FREM1: variants seen among roughly 807,000 people sequenced by gnomAD.
FREM1 encodes the protein FRAS1 related extracellular matrix 1.
A neutral mutation model predicts 210.1 loss-of-function variants in FREM1; 220 were observed. That is an observed-to-expected ratio of 1.05 (90% CI 0.94 to 1.17). The LOEUF (loss-of-function observed/expected upper bound fraction) is 1.17, where lower values mean the gene tolerates loss of function less well. Among genes scored for constraint, FREM1 ranks in the 50% most tolerant of loss-of-function variants. FREM1 has a pLI of 0.00. For missense variants in FREM1, 3,454 were observed against 2,675.5 expected (o/e 1.29, Z -6.42); for synonymous variants, 1,189 against 980.2 (o/e 1.21, Z -3.98).
rs1224848063 is a variant in FREM1 at position 14,860,988 on chromosome 9, TATAC to T, written c.330-1508_330-1505del. 2.3e-5 allele frequency among the ~76,000 whole-genome samples: 3 copies of T among 128,330 alleles called. 1 individual carries two copies. The highest frequency in any genetic ancestry group is 4.6e-5 in the Non-Finnish European group (3 of 64,950). 84.2% of individuals were successfully genotyped at this position (128,330 alleles called of 152,430 possible). A position where few individuals can be genotyped will look rare whatever the true frequency, so the allele number is the denominator to read the frequency against. On this transcript the variant is annotated intron_variant, in intron 3 of 36. Coordinates refer to ENST00000380880, the MANE Select transcript of FREM1 (RefSeq NM_001379081.2). Reference sequence around the variant, plus strand: ...ACACATATATACATATATACACATATATACATATATATACACATATATACATATA... The same window carrying T: ...ACACATATATACATATATACACATATATATATATACACATATATACATATA...
At position 14,857,563 on chromosome 9, in the gene FREM1, A is replaced by G. The variant is rs772601999; in HGVS notation, c.818T>C (p.Ile273Thr). ...QLDLTDTRSK[I>T]VYKSESAWLP... is the part of the protein sequence containing the mutation. ...AACCCCAAACTCTACCTTGTACACA[A>G]TTTTGCTCCTGGTATCTGTGAGGTC... Residue 273 changes from isoleucine (I) to threonine (T), a missense_variant, in exon 5 of 37, where the codon ATT becomes ACT. Transcript: ENST00000380880. 7.1e-5 allele frequency: 115 copies of G among 1,613,038 alleles called. 1 individual carries two copies. In the South Asian group the frequency reaches 7.2e-4, roughly 10 times the overall value.
chr9:14,879,584 C>G (rs554746386), intron 1 of FREM1, among the ~76,000 whole-genome samples: 1 of 152,202 alleles, frequency 6.6e-6, no homozygotes, highest in South Asian at 2.1e-4. Flanking sequence ...AAGTAAATGT[C>G]AAGAAGGGGA....
chr9:14,842,295 T>C (rs769157997), intron 9 of FREM1, 21 bp downstream of exon 9: 1 of 1,432,412 alleles, frequency 7.0e-7, no homozygotes, highest in Non-Finnish European at 9.5e-7. Flanking sequence ...ATTCAAATGA[T>C]CTTAACTGCC....
At chr9:14,767,402 G>C (rs1846634077) in intron 27 of FREM1, among the ~76,000 whole-genome samples, 3 of 152,126 alleles carry the variant, frequency 2.0e-5, no homozygotes, top group Non-Finnish European at 4.4e-5. Flanking sequence ...TGGGCAAGAA[G>C]TTCTTCAGTG....
chr9:14,800,104 C>CA (rs1435871220), intron 20 of FREM1, among the ~76,000 whole-genome samples: 1 of 151,626 alleles, frequency 6.6e-6, no homozygotes, highest in Non-Finnish European at 1.5e-5. Flanking sequence ...GCAACAATTA[C>CA]AAAAAAACCT....
At chr9:14,738,762 C>T (rs1023288586) in intron 36 of FREM1, among the ~76,000 whole-genome samples, 4 of 152,060 alleles carry the variant, frequency 2.6e-5, no homozygotes, top group Non-Finnish European at 5.9e-5. Flanking sequence ...GCAATTCCAG[C>T]ATTTTGGGAG....
chr9:14,908,621 C>T (rs1163447744), intron 1 of FREM1, among the ~76,000 whole-genome samples: 2 of 152,134 alleles, frequency 1.3e-5, no homozygotes, highest in Admixed American at 6.5e-5. Flanking sequence ...GCATGCAAAA[C>T]CATGTTGCAC....
At position 14,873,066 on chromosome 9, in the gene FREM1, T is replaced by C. The variant is rs949683470; in HGVS notation, c.-267-3822A>G. 2.0e-3 allele frequency among the ~76,000 whole-genome samples: 309 copies of C among 152,284 alleles called. 3 individuals carry two copies. Among genetic ancestry groups the C allele is most frequent in the African/African-American group, 6.9e-3 (286 of 41,558 alleles). Reference sequence around the variant, plus strand: ...CTTTTTGATGTGCTGCTGGATTCGGTTTGCCAGTATCTTATTGAGGATTTT... The same window carrying C: ...CTTTTTGATGTGCTGCTGGATTCGGCTTGCCAGTATCTTATTGAGGATTTT... On this transcript the variant is annotated intron_variant, in intron 1 of 36. Coordinates refer to ENST00000380880, the MANE Select transcript of FREM1 (RefSeq NM_001379081.2).
Position 14,860,930 on chromosome 9 carries a change from C to T in FREM1, c.330-1446G>A, listed in dbSNP as rs1225142112. 1.5e-4 allele frequency among the ~76,000 whole-genome samples: 15 copies of T among 97,258 alleles called. 3 individuals are homozygous for T. Among genetic ancestry groups the T allele is most frequent in the African/African-American group, 2.0e-4 (3 of 15,130 alleles). The allele number at this position is 97,258 out of a possible 152,430, so 63.8% of individuals were successfully genotyped here. ...ATATACACATATACACATATATACA[C>T]ATATACACACATATACACATATACA... On this transcript the variant is annotated intron_variant, in intron 3 of 36. Transcript: ENST00000380880.
chr9:14,851,359 G>C lies in FREM1; in HGVS notation c.1077C>G (p.Thr359=), dbSNP rs1379706453. Residue 359 remains threonine (T), a synonymous_variant, in exon 6 of 37, where the codon ACC becomes ACG. Transcript: ENST00000380880. Reference sequence around the variant, plus strand: ...TCTGCATGTCACTGAGATCTTTCCAGGTGAATGAGGAGATTGGTCTGGTGT... The same window carrying C: ...TCTGCATGTCACTGAGATCTTTCCACGTGAATGAGGAGATTGGTCTGGTGT... The part of the protein sequence containing the change: ...LDHTRPISSF[T]WKDLSDMQIA... The C allele has an allele frequency of 5.0e-6, 8 of 1,613,440 alleles. No individual in the cohort carries two copies. Among genetic ancestry groups the C allele is most frequent in the African/African-American group, 1.3e-5 (1 of 74,912 alleles).
At chr9:14,786,110 C>A (rs1850388214) in intron 23 of FREM1, among the ~76,000 whole-genome samples, 1 of 152,184 alleles carries the variant, frequency 6.6e-6, no homozygotes, top group South Asian at 2.1e-4. Context: ...AAGACCCTTA[C>A]ACCTTCACAC....
chr9:14,898,310 A>G (rs1838118792), intron 1 of FREM1, among the ~76,000 whole-genome samples: 2 of 152,248 alleles, frequency 1.3e-5, no homozygotes, highest in South Asian at 4.1e-4. Context: ...CAGCACACAC[A>G]TAGAGCAAGG....
intron 3 of FREM1, among the ~76,000 whole-genome samples, chr9:14,860,594 C>CACATATATATATACACATATATAT (rs1480365766): frequency 1.2e-5 from 1 of 84,202 alleles, no homozygotes; most frequent in Non-Finnish European, 2.2e-5. Context: ...CATATATATA[C>CACATATATATATACACATATATAT]ATATATACAC....
chr9:14,893,039 G>A (rs1837127538), intron 1 of FREM1, among the ~76,000 whole-genome samples: 1 of 152,160 alleles, frequency 6.6e-6, no homozygotes. Context: ...TTTTACTCTG[G>A]CCTTCCTTCG....
chr9:14,794,420 G>A (rs1184754059), intron 21 of FREM1, among the ~76,000 whole-genome samples: 2 of 152,176 alleles, frequency 1.3e-5, no homozygotes, highest in East Asian at 1.9e-4. Context: ...GCTCTCTGCT[G>A]AGCATGGACA....
chr9:14,842,738 G>A, intron 8 of FREM1, 78 bp from the exon 9 acceptor site: 1 of 1,000,498 alleles, frequency 1.0e-6, no homozygotes, highest in Non-Finnish European at 1.5e-6. Flanking sequence ...CATCAATACA[G>A]TAGAGGCTGC....
Position 14,816,759 on chromosome 9 carries a change from G to A in FREM1, c.2640+19C>T, listed in dbSNP as rs1048757132. 2.3e-6 allele frequency: 3 copies of A among 1,327,930 alleles called. No individual in the cohort carries two copies. The highest frequency in any genetic ancestry group is 2.9e-5 in the African/African-American group (2 of 69,216). The allele number at this position is 1,327,930 out of a possible 1,614,324, so 82.3% of individuals were successfully genotyped here. On this transcript the variant is annotated intron_variant, in intron 15 of 36. Coordinates refer to ENST00000380880, the MANE Select transcript of FREM1 (RefSeq NM_001379081.2). ...AAACAGACTAAGACAATAACCCAGG[G>A]AAGAAACTTTCTACCCACCTCAACA...
intron 16 of FREM1, among the ~76,000 whole-genome samples, chr9:14,811,620 A>G (rs752172761): frequency 1.5e-4 from 23 of 152,220 alleles, no homozygotes; most frequent in Non-Finnish European, 3.4e-4. Flanking sequence ...TACCATTTAA[A>G]GAAAAAAGAT....
chr9:14,739,537 T>A (rs964924386), intron 36 of FREM1, among the ~76,000 whole-genome samples: 10 of 142,058 alleles, frequency 7.0e-5, no homozygotes, highest in African/African-American at 2.8e-4. Context: ...ATGTAAATAT[T>A]ATATATATTT....
Sources: allele counts gnomAD v4.1 joint callset (sites outside exome capture counted in the v4.1 genomes callset), GRCh38; gene constraint gnomAD v4.1.1; transcripts MANE v1.5; gene names NCBI Gene and HGNC (gene_info 2026-07-23, HGNC 2026-07-21).